Variants in FLRT2 observed in about 807,000 individuals in gnomAD.
FLRT2 encodes leucine-rich repeat transmembrane protein FLRT2.
FLRT2 carries 15 observed loss-of-function variants against 40.0 expected under a neutral mutation model. That is an observed-to-expected ratio of 0.38 (90% confidence interval 0.25 to 0.58). The LOEUF is 0.58. Among genes scored for constraint, FLRT2 ranks in the 20% least tolerant of loss-of-function variants. The pLI, the probability that FLRT2 is intolerant of heterozygous loss-of-function variation, is 0.71. For missense variants in FLRT2, 726 were observed against 840.0 expected, an observed-to-expected ratio of 0.86 and a Z score of 1.68; for synonymous variants, 380 against 336.8, an observed-to-expected ratio of 1.13 and a Z score of -1.41.
Position 85,635,507 on chromosome 14 carries a change from A to T in FLRT2, c.*12010A>T, listed in dbSNP as rs2139390720. 6.6e-6 allele frequency: 1 copy of T among 152,212 alleles called. No homozygotes were observed. The highest frequency in any genetic ancestry group is 2.4e-5 in the African/African-American group (1 of 41,564). 9.4% of individuals were successfully genotyped at this position (152,212 alleles called of 1,614,324 possible). On this transcript the variant is annotated 3_prime_UTR_variant, in exon 2 of 2. Coordinates refer to ENST00000330753, the MANE Select transcript of FLRT2 (RefSeq NM_013231.6). ...TGTCGTACAATAAAAATTGTATAAA[A>T]AATTGTTTATTAAAATATTAAATAT...
intron 1 of FLRT2, among the ~76,000 whole-genome samples, chr14:85,610,339 T>C (rs1000231068): frequency 2.6e-5 from 4 of 152,202 alleles, no homozygotes; most frequent in Non-Finnish European, 4.4e-5. Flanking sequence ...GCTCTTGTTC[T>C]TGATAAAATT....
In FLRT2 at chr14:85,636,399, A is replaced by AAAAC. The variant is rs1566772336; in HGVS notation, c.*12905_*12906insCAAA. On this transcript the variant is annotated 3_prime_UTR_variant, in exon 2 of 2. Transcript: ENST00000330753. ...GGTGAAGTCACCTGCAGAAAAAAAA[A>AAAAC]AAAAAAAAACAAAAAACATTCTTAT... 2.1e-5 allele frequency: 3 copies of AAAAC among 146,252 alleles called. No homozygotes were observed. Among genetic ancestry groups the AAAAC allele is most frequent in the African/African-American group, 7.5e-5 (3 of 40,154 alleles). 9.1% of individuals were successfully genotyped at this position (146,252 alleles called of 1,614,324 possible).
chr14:85,638,788 C>T lies in FLRT2; in HGVS notation c.*15291C>T, dbSNP rs1894073997. On this transcript the variant is annotated 3_prime_UTR_variant, in exon 2 of 2. Transcript: ENST00000330753. The stretch of plus-strand genomic sequence containing the variant: ...ATGACGCACCTGAACATATATGAGG[C>T]CTAGATTTTGCTGCATGTCCGCAAA... 2 of 152,276 alleles carry T rather than the reference C, an allele frequency of 1.3e-5. No homozygotes were observed. Among genetic ancestry groups the T allele is most frequent in the South Asian group, 4.1e-4 (2 of 4,826 alleles). 9.4% of individuals were successfully genotyped at this position (152,276 alleles called of 1,614,324 possible). A position where few individuals can be genotyped will look rare whatever the true frequency, so the allele number is the denominator to read the frequency against.
rs1893945769 is a variant in FLRT2 at position 85,634,040 on chromosome 14, G to C, written c.*10543G>C. ...TTTTTGCAATCGATATCATTATTAA[G>C]TTTGGAAGCTGGTTGTTATTAACAG... is the stretch of plus-strand genomic sequence containing the variant. On this transcript the variant is annotated 3_prime_UTR_variant, in exon 2 of 2. Coordinates refer to ENST00000330753, the MANE Select transcript of FLRT2 (RefSeq NM_013231.6). 6.6e-6 allele frequency: 1 copy of C among 152,140 alleles called. No homozygotes were observed. Among genetic ancestry groups the C allele is most frequent in the Non-Finnish European group, 1.5e-5 (1 of 68,040 alleles). The allele number at this position is 152,140 out of a possible 1,614,324, so 9.4% of individuals were successfully genotyped here.
At chr14:85,578,995 C>G (rs1234368159) in intron 1 of FLRT2, among the ~76,000 whole-genome samples, 1 of 152,214 alleles carries the variant, frequency 6.6e-6, no homozygotes, top group Non-Finnish European at 1.5e-5. Context: ...CCCAGCACCC[C>G]TGATAGAAAT....
chr14:85,554,510 A>G (rs976189850), intron 1 of FLRT2, among the ~76,000 whole-genome samples: 2 of 152,142 alleles, frequency 1.3e-5, no homozygotes, highest in Admixed American at 6.5e-5. Context: ...TTGTGTACCT[A>G]TTTTGAATCC....
At chr14:85,558,895 T>C (rs960349729) in intron 1 of FLRT2, among the ~76,000 whole-genome samples, 1 of 152,228 alleles carries the variant, frequency 6.6e-6, no homozygotes, top group Non-Finnish European at 1.5e-5. Flanking sequence ...TATTCTGAAA[T>C]AAAGGAACTA....
chr14:85,588,955 T>A (rs1437896071), intron 1 of FLRT2, among the ~76,000 whole-genome samples: 1 of 152,210 alleles, frequency 6.6e-6, no homozygotes, highest in African/African-American at 2.4e-5. Flanking sequence ...AGGATCTCAT[T>A]CTTTTTTGTG....
intron 1 of FLRT2, among the ~76,000 whole-genome samples, chr14:85,615,620 G>T (rs1893091405): frequency 1.1e-5 from 1 of 88,612 alleles, no homozygotes. Flanking sequence ...ATGGTTTCAG[G>T]CTACGGGGTG....
At chr14:85,616,141 G>A (rs1387636717) in intron 1 of FLRT2, among the ~76,000 whole-genome samples, 1 of 151,572 alleles carries the variant, frequency 6.6e-6, no homozygotes, top group Non-Finnish European at 1.5e-5. Context: ...CCCCCAAAGA[G>A]CATTTTTTTT....
intron 1 of FLRT2, among the ~76,000 whole-genome samples, chr14:85,581,160 A>G (rs1891369591): frequency 6.6e-6 from 1 of 152,194 alleles, no homozygotes; most frequent in African/African-American, 2.4e-5. Flanking sequence ...GACCGCCCAC[A>G]GTGGGATGGT....
rs925731210 is a variant in FLRT2 at position 85,635,969 on chromosome 14, C to T, written c.*12472C>T. On this transcript the variant is annotated 3_prime_UTR_variant, in exon 2 of 2. Coordinates refer to ENST00000330753, the MANE Select transcript of FLRT2 (RefSeq NM_013231.6). ...ATAATTTTTATATAATACACACTTC[C>T]AATAATTGATAATAGTCTAATGATT... 6 of 151,946 alleles carry T rather than the reference C, an allele frequency of 3.9e-5. No homozygotes were observed. Among genetic ancestry groups the T allele is most frequent in the Non-Finnish European group, 8.8e-5 (6 of 67,942 alleles). 9.4% of individuals were successfully genotyped at this position (151,946 alleles called of 1,614,324 possible). A position where few individuals can be genotyped will look rare whatever the true frequency, so the allele number is the denominator to read the frequency against.
In FLRT2 at chr14:85,643,163, T is replaced by C. The variant is rs1894192410; in HGVS notation, c.*19666T>C. On this transcript the variant is annotated 3_prime_UTR_variant, in exon 2 of 2. Transcript: ENST00000330753. ...TCCACTCGGGGCTAGGATGTCAACA[T>C]ATGAAATTTAGGGGCACATAAATAT... 6.6e-6 allele frequency: 1 copy of C among 152,138 alleles called. No homozygotes were observed. The highest frequency in any genetic ancestry group is 6.5e-5 in the Admixed American group (1 of 15,282). 9.4% of individuals were successfully genotyped at this position (152,138 alleles called of 1,614,324 possible).
rs374740169 is a variant in FLRT2, at chr14:85,559,895, T to C, written c.-377+29361T>C. 9.0e-4 allele frequency among the ~76,000 whole-genome samples: 137 copies of C among 152,342 alleles called. 4 individuals carry two copies. In the South Asian group the frequency reaches 0.02, roughly 23 times the overall value. ...AGTCAGTGACTTTCCTGGGCCTGCC[T>C]GGATCACTCTCACTTCATGTGGATG... On this transcript the variant is annotated intron_variant, in intron 1 of 1. Coordinates refer to ENST00000330753, the MANE Select transcript of FLRT2 (RefSeq NM_013231.6).
intron 1 of FLRT2, among the ~76,000 whole-genome samples, chr14:85,604,289 A>ACTTC (rs1467947162): frequency 6.6e-6 from 1 of 152,158 alleles, no homozygotes; most frequent in Non-Finnish European, 1.5e-5. Context: ...TAAAATCATG[A>ACTTC]CTTCCTGAGT....
intron 1 of FLRT2, among the ~76,000 whole-genome samples, chr14:85,589,762 G>C (rs1891796786): frequency 6.6e-6 from 1 of 152,090 alleles, no homozygotes; most frequent in Non-Finnish European, 1.5e-5. Context: ...TTAAGTCTTT[G>C]ATAGATTTTG....
At chr14:85,601,758 A>T (rs1029455529) in intron 1 of FLRT2, among the ~76,000 whole-genome samples, 1 of 152,230 alleles carries the variant, frequency 6.6e-6, no homozygotes, top group Admixed American at 6.5e-5. Context: ...TGTAAATTCT[A>T]TGCAAATATT....
In FLRT2 at chr14:85,624,723, A is replaced by G. The variant is rs1410881368; in HGVS notation, c.*1226A>G. Reference sequence around the variant, plus strand: ...TCTGTTCAGTATTTCAAGGAAAATTATGGATGCCAGTCTTGGCTGCACAAG... The same window carrying G: ...TCTGTTCAGTATTTCAAGGAAAATTGTGGATGCCAGTCTTGGCTGCACAAG... On this transcript the variant is annotated 3_prime_UTR_variant, in exon 2 of 2. Coordinates refer to ENST00000330753, the MANE Select transcript of FLRT2 (RefSeq NM_013231.6). The G allele has an allele frequency of 6.0e-6, 1 of 166,974 alleles. No individual in the cohort carries two copies. The highest frequency in any genetic ancestry group is 2.4e-5 in the African/African-American group (1 of 41,468). The allele number at this position is 166,974 out of a possible 1,614,324, so 10.3% of individuals were successfully genotyped here.
intron 1 of FLRT2, among the ~76,000 whole-genome samples, chr14:85,602,244 T>G (rs1892408151): frequency 2.0e-5 from 3 of 152,240 alleles, no homozygotes; most frequent in Non-Finnish European, 4.4e-5. Context: ...CTACTTGATT[T>G]TCTTTACTGT....
Sources: gnomAD v4.1 joint callset for allele counts (sites outside exome capture counted in the v4.1 genomes callset) on GRCh38, gnomAD v4.1.1 for gene constraint, MANE v1.5 for transcripts, NCBI Gene and HGNC (gene_info 2026-07-23, HGNC 2026-07-21) for gene names.